LPP: variants seen among roughly 807,000 people sequenced by gnomAD.
LPP encodes the protein LIM domain containing preferred translocation partner in lipoma.
Under a neutral mutation model 60.4 loss-of-function variants are expected in LPP, and 38 were observed. The ratio of observed to expected loss-of-function variants is 0.63; its 90% confidence interval spans 0.49 to 0.83. The LOEUF is 0.83. LPP is among the 40% of genes least tolerant of loss of function. LPP has a pLI of 0.00. For synonymous variants in LPP, 328 were observed against 290.8 expected (o/e 1.13, Z -1.30); for missense variants, 902 against 783.6 (o/e 1.15, Z -1.80).
Position 188,884,680 on chromosome 3 carries a change from A to G in LPP, c.*10201A>G, listed in dbSNP as rs1156259744. The G allele has an allele frequency of 8.8e-6, 2 of 228,168 alleles. No homozygotes were observed. Among genetic ancestry groups the G allele is most frequent in the Non-Finnish European group, 1.7e-5 (2 of 114,914 alleles). The allele number at this position is 228,168 out of a possible 1,614,324, so 14.1% of individuals were successfully genotyped here. A position where few individuals can be genotyped will look rare whatever the true frequency, so the allele number is the denominator to read the frequency against. On this transcript the variant is annotated 3_prime_UTR_variant, in exon 12 of 12. Transcript: ENST00000617246. ...ACCATATCATTTAGAATTCATTGGC[A>G]TGTAGAGGTGACTCGATTCCTAAAA... is the stretch of plus-strand genomic sequence containing the variant.
chr3:188,251,801 AAAT>A (rs1462339797), intron 2 of LPP, among the ~76,000 whole-genome samples: 2 of 151,704 alleles, frequency 1.3e-5, no homozygotes, highest in Non-Finnish European at 2.9e-5. Context: ...TGTTCATTTA[AAAT>A]ACAGTTGGGT....
intron 4 of LPP, among the ~76,000 whole-genome samples, chr3:188,456,066 A>AT (rs1023354625): frequency 6.6e-6 from 1 of 151,946 alleles, no homozygotes; most frequent in Non-Finnish European, 1.5e-5. Flanking sequence ...CTAATTTTCT[A>AT]TTTTTTGTAG....
chr3:188,345,697 G>A (rs1220972215), intron 3 of LPP, among the ~76,000 whole-genome samples: 1 of 152,022 alleles, frequency 6.6e-6, no homozygotes, highest in Non-Finnish European at 1.5e-5. Flanking sequence ...GGATGGGCTG[G>A]GACTGAGAAA....
intron 7 of LPP, among the ~76,000 whole-genome samples, chr3:188,645,612 T>C (rs1177696090): frequency 6.6e-6 from 1 of 152,132 alleles, no homozygotes; most frequent in East Asian, 1.9e-4. Flanking sequence ...GTGGATCCCT[T>C]CTCTTTAATA....
chr3:188,556,284 C>T (rs1007024697), intron 6 of LPP, among the ~76,000 whole-genome samples: 3 of 151,994 alleles, frequency 2.0e-5, no homozygotes. Context: ...TTCATATTTA[C>T]TAGTTGTTTG....
chr3:188,746,561 G>A (rs949125027), intron 8 of LPP: 2 of 487,346 alleles, frequency 4.1e-6, no homozygotes, highest in African/African-American at 3.9e-5. Context: ...CTCTCCCTGT[G>A]TGGTATCTCT....
chr3:188,317,233 A>G (rs1755340856), intron 2 of LPP, among the ~76,000 whole-genome samples: 1 of 149,440 alleles, frequency 6.7e-6, no homozygotes, highest in South Asian at 2.2e-4. Context: ...TTTTTTTTTA[A>G]GTTTTTTTTT....
chr3:188,844,586 T>C lies in LPP; in HGVS notation c.1411-21614T>C, dbSNP rs73888936. On this transcript the variant is annotated intron_variant, in intron 9 of 11. Coordinates refer to ENST00000617246, the MANE Select transcript of LPP (RefSeq NM_001375462.1). ...TAGTGATTCCAAGGGAATTGAGAGG[T>C]TCGTGTATTTATTCATATATTAGTC... Among the ~76,000 whole-genome samples the C allele has an allele frequency of 8.4e-3, 1,286 of 152,276 alleles. 15 individuals carry two copies. The highest frequency in any genetic ancestry group is 0.029 in the African/African-American group (1,217 of 41,552).
chr3:188,513,825 A>G (rs1299073241), intron 5 of LPP, among the ~76,000 whole-genome samples: 1 of 152,194 alleles, frequency 6.6e-6, no homozygotes, highest in Non-Finnish European at 1.5e-5. Flanking sequence ...CCTTACTTAT[A>G]AAAGAGTTGG....
At chr3:188,681,742 T>G (rs561545366) in intron 7 of LPP, among the ~76,000 whole-genome samples, 1 of 152,372 alleles carries the variant, frequency 6.6e-6, no homozygotes, top group East Asian at 1.9e-4. Context: ...TAATGTTAAA[T>G]AATACTTTGA....
At chr3:188,380,622 T>A (rs1433027103) in intron 3 of LPP, among the ~76,000 whole-genome samples, 1 of 152,248 alleles carries the variant, frequency 6.6e-6, no homozygotes, top group Non-Finnish European at 1.5e-5. Context: ...TGTCACAGAC[T>A]TTTGCAAGAG....
At chr3:188,385,981 T>A (rs926119442) in intron 3 of LPP, among the ~76,000 whole-genome samples, 1 of 152,198 alleles carries the variant, frequency 6.6e-6, no homozygotes, top group Non-Finnish European at 1.5e-5. Flanking sequence ...TTTACTTGGC[T>A]TCTCCCTCAC....
chr3:188,872,090 G>A (rs1473876491), intron 10 of LPP, among the ~76,000 whole-genome samples: 1 of 152,160 alleles, frequency 6.6e-6, no homozygotes, highest in Non-Finnish European at 1.5e-5. Flanking sequence ...TTTGTGTAAT[G>A]TATATTTAAA....
chr3:188,323,218 C>G (rs1415326795), intron 2 of LPP, among the ~76,000 whole-genome samples: 1 of 152,166 alleles, frequency 6.6e-6, no homozygotes, highest in Non-Finnish European at 1.5e-5. Flanking sequence ...TAAAAACATC[C>G]TTTCATCTTT....
chr3:188,269,396 G>A (rs564254557), intron 2 of LPP, among the ~76,000 whole-genome samples: 1 of 152,232 alleles, frequency 6.6e-6, no homozygotes, highest in East Asian at 1.9e-4. Flanking sequence ...TACCTGGCTG[G>A]TGAATGTTTA....
chr3:188,564,486 T>A (rs1300758570), intron 6 of LPP, among the ~76,000 whole-genome samples: 1 of 151,976 alleles, frequency 6.6e-6, no homozygotes, highest in Non-Finnish European at 1.5e-5. Context: ...GTTAATAGAT[T>A]TAGTCATTTT....
chr3:188,316,262 G>A (rs1755036495), intron 2 of LPP, among the ~76,000 whole-genome samples: 1 of 152,104 alleles, frequency 6.6e-6, no homozygotes, highest in Non-Finnish European at 1.5e-5. Flanking sequence ...TGGACGAAAA[G>A]AGTGAAACTC....
chr3:188,450,649 G>A (rs556243242), intron 4 of LPP, among the ~76,000 whole-genome samples: 55 of 151,916 alleles, frequency 3.6e-4, no homozygotes, highest in Non-Finnish European at 6.9e-4. Context: ...GGAGGCTGAG[G>A]CAGGAGAATT....
intron 3 of LPP, among the ~76,000 whole-genome samples, chr3:188,371,694 G>A (rs142263994): frequency 5.6e-5 from 6 of 106,444 alleles, no homozygotes; most frequent in South Asian, 6.6e-4. Context: ...TGCTCTTGTC[G>A]CCCAGGCTGG....
Sources: allele counts gnomAD v4.1 joint callset (sites outside exome capture counted in the v4.1 genomes callset), GRCh38; gene constraint gnomAD v4.1.1; transcripts MANE v1.5; gene names NCBI Gene and HGNC (gene_info 2026-07-23, HGNC 2026-07-21).